The following EIF4E variants were observed in gnomAD, a reference collection of about 807,000 sequenced individuals.
EIF4E encodes the protein eIF-4F 25 kDa subunit.
For synonymous variants in EIF4E, 71 were observed against 88.5 expected, an observed-to-expected ratio of 0.80 and a Z score of 1.11; for missense variants, 113 against 265.6, an observed-to-expected ratio of 0.43 and a Z score of 3.99.
chr4:98,889,396 G>T (rs920942207), intron 3 of EIF4E, among the ~76,000 whole-genome samples: 2 of 152,150 alleles, frequency 1.3e-5, no homozygotes, highest in African/African-American at 4.8e-5. Flanking sequence ...AATGGATATT[G>T]TGGGAATGAC....
intron 2 of EIF4E, among the ~76,000 whole-genome samples, chr4:98,893,543 T>A (rs968505344): frequency 6.6e-6 from 1 of 152,224 alleles, no homozygotes; most frequent in Non-Finnish European, 1.5e-5. Flanking sequence ...ATAGATTCCA[T>A]CTCAAGAAAC....
At chr4:98,928,933 G>T (rs111394750) in intron 1 of EIF4E, 162 bp downstream of exon 1, 2 of 1,575,582 alleles carry the variant, frequency 1.3e-6, no homozygotes, top group Non-Finnish European at 1.7e-6. Flanking sequence ...GCCATCCTCC[G>T]GGACGTCCCC....
intron 3 of EIF4E, among the ~76,000 whole-genome samples, chr4:98,888,226 G>GTA (rs1039384009): frequency 1.8e-4 from 28 of 152,084 alleles, no homozygotes; most frequent in Non-Finnish European, 3.4e-4. Flanking sequence ...GCATACATAT[G>GTA]TATATATATA....
intron 1 of EIF4E, among the ~76,000 whole-genome samples, chr4:98,918,206 CACAA>C (rs1725478413): frequency 6.6e-6 from 1 of 151,396 alleles, no homozygotes; most frequent in Non-Finnish European, 1.5e-5. Flanking sequence ...CTACTAAAAA[CACAA>C]ACAATTAGCT....
In EIF4E at chr4:98,929,132, A is replaced by G; in HGVS notation, c.-20T>C. The stretch of plus-strand genomic sequence containing the variant: ...CGCCATCTTAGATCGATCTGATCGC[A>G]CAACCGCTCCAGAAGGGGGGGTAAG... On this transcript the variant is annotated 5_prime_UTR_variant, in exon 1 of 7. Coordinates refer to ENST00000450253, the MANE Select transcript of EIF4E (RefSeq NM_001968.5). The G allele has an allele frequency of 6.4e-7, 1 of 1,563,226 alleles. No individual in the cohort carries two copies. The highest frequency in any genetic ancestry group is 8.7e-7 in the Non-Finnish European group (1 of 1,153,348).
intron 1 of EIF4E, among the ~76,000 whole-genome samples, chr4:98,927,654 C>CAAAAAAAAAA (rs774720176): frequency 8.5e-5 from 3 of 35,090 alleles, no homozygotes; most frequent in Non-Finnish European, 1.1e-4. Flanking sequence ...GACTCCATCT[C>CAAAAAAAAAA]AAAAAAAAAA....
Position 98,887,525 on chromosome 4 carries a change from A to C in EIF4E, c.286-333T>G, listed in dbSNP as rs1723973822. Among the ~76,000 whole-genome samples the C allele has an allele frequency of 6.6e-6, 1 of 152,200 alleles. No homozygotes were observed. Among genetic ancestry groups the C allele is most frequent in the African/African-American group, 2.4e-5 (1 of 41,444 alleles). On this transcript the variant is annotated intron_variant, in intron 4 of 6. Transcript: ENST00000450253. The surrounding 1 kb of genome is among the most constrained non-coding windows in gnomAD (Gnocchi z 4.0). ...ATGCAAAAACTATGCAATTTCAGTTAATGAATGTCCCGTCCCTCTACCAAC... is the reference window on the plus strand; with the variant it reads ...ATGCAAAAACTATGCAATTTCAGTTCATGAATGTCCCGTCCCTCTACCAAC...
chr4:98,910,944 T>G (rs1725098301), intron 1 of EIF4E, among the ~76,000 whole-genome samples: 1 of 152,108 alleles, frequency 6.6e-6, no homozygotes, highest in Non-Finnish European at 1.5e-5. Flanking sequence ...TTGGCCCAGC[T>G]GGTCTTGAAC....
chr4:98,914,289 G>A (rs1725276386), intron 1 of EIF4E, among the ~76,000 whole-genome samples: 1 of 146,548 alleles, frequency 6.8e-6, no homozygotes, highest in Admixed American at 6.9e-5. Flanking sequence ...CCAGGAGGAG[G>A]AGGTTGCAGG....
rs957046328 is a variant in EIF4E, at chr4:98,888,697, T to C, written c.222-745A>G. On this transcript the variant is annotated intron_variant, in intron 3 of 6. Transcript: ENST00000450253. ...GATCATTTGATCTCCTGTAGTCTTT[T>C]ACAGCAAAATTGATTTAAAAATTGG... Among the ~76,000 whole-genome samples the C allele has an allele frequency of 3.9e-5, 6 of 152,308 alleles. No homozygotes were observed. The South Asian group carries it at 1.2e-3, about 32-fold the overall frequency.
At chr4:98,906,776 T>C (rs1334438585) in intron 1 of EIF4E, among the ~76,000 whole-genome samples, 1 of 152,152 alleles carries the variant, frequency 6.6e-6, no homozygotes. Context: ...GAATATGAGA[T>C]GCACTGCTTC....
chr4:98,921,487 G>GT (rs1725643474), intron 1 of EIF4E, among the ~76,000 whole-genome samples: 2 of 151,776 alleles, frequency 1.3e-5, no homozygotes, highest in Admixed American at 6.6e-5. Context: ...TCTTGCTTCA[G>GT]TCTCCCAAGT....
At chr4:98,904,587 A>G (rs1271493347) in intron 1 of EIF4E, among the ~76,000 whole-genome samples, 1 of 152,174 alleles carries the variant, frequency 6.6e-6, no homozygotes, top group Admixed American at 6.5e-5. Flanking sequence ...CCTGGCCGAC[A>G]TGGTGAAACC....
Position 98,880,804 on chromosome 4 carries a change from A to C in EIF4E, c.*224T>G, listed in dbSNP as rs1723648046. 4.1e-6 allele frequency: 3 copies of C among 739,056 alleles called. No homozygotes were observed. The highest frequency in any genetic ancestry group is 5.9e-6 in the Non-Finnish European group (3 of 505,306). 45.8% of individuals were successfully genotyped at this position (739,056 alleles called of 1,614,324 possible). Reference sequence around the variant, plus strand: ...ATGGATTCTGGGGATGTGTACTGTAATTCTTTGATTGGGATAGTGGAAACT... The same window carrying C: ...ATGGATTCTGGGGATGTGTACTGTACTTCTTTGATTGGGATAGTGGAAACT... On this transcript the variant is annotated 3_prime_UTR_variant, in exon 7 of 7. Transcript: ENST00000450253.
At chr4:98,883,392 A>ATTTT (rs1479416116) in intron 6 of EIF4E, among the ~76,000 whole-genome samples, 14 of 108,674 alleles carry the variant, frequency 1.3e-4, no homozygotes, top group Admixed American at 2.5e-4. Flanking sequence ...TTGTAAGTCA[A>ATTTT]ATTTTTTTTT....
chr4:98,927,447 G>A (rs1468949067), intron 1 of EIF4E, among the ~76,000 whole-genome samples: 3 of 151,760 alleles, frequency 2.0e-5, no homozygotes, highest in African/African-American at 7.3e-5. Flanking sequence ...CTTGAGGTCA[G>A]GAGTTTCAGA....
At chr4:98,904,814 C>T (rs1427051275) in intron 1 of EIF4E, among the ~76,000 whole-genome samples, 1 of 152,024 alleles carries the variant, frequency 6.6e-6, no homozygotes, top group African/African-American at 2.4e-5. Flanking sequence ...ACTTTTCCAA[C>T]AACTTAAAAA....
chr4:98,889,831 C>CT (rs1037170414), intron 3 of EIF4E, among the ~76,000 whole-genome samples: 16 of 151,592 alleles, frequency 1.1e-4, no homozygotes, highest in Non-Finnish European at 1.6e-4. Context: ...GAATGAAAAG[C>CT]TTTTTTTTGG....
At chr4:98,917,782 A>G (rs1178737255) in intron 1 of EIF4E, among the ~76,000 whole-genome samples, 1 of 152,118 alleles carries the variant, frequency 6.6e-6, no homozygotes, top group Non-Finnish European at 1.5e-5. Flanking sequence ...TCAGTTTACT[A>G]CTCTAAAACC....
Sources: allele counts gnomAD v4.1 joint callset (sites outside exome capture counted in the v4.1 genomes callset), GRCh38; gene constraint gnomAD v4.1.1; non-coding constraint Gnocchi (gnomAD v3.1); transcripts MANE v1.5; gene names NCBI Gene and HGNC (gene_info 2026-07-23, HGNC 2026-07-21).